Variants in DLC1 observed in about 807,000 individuals in gnomAD.
DLC1 encodes DLC1 Rho GTPase activating protein.
DLC1 carries 54 observed loss-of-function variants against 140.3 expected under a neutral mutation model. The observed-to-expected ratio is 0.38, with a 90% CI of 0.31 to 0.48. The LOEUF (loss-of-function observed/expected upper bound fraction) is 0.48. Among genes scored for constraint, DLC1 ranks in the 20% least tolerant of loss-of-function variants. DLC1 has a pLI of 0.96. For synonymous variants in DLC1, 986 were observed against 728.1 expected (o/e 1.35, Z -5.70); for missense variants, 2,536 against 1,907.0 (o/e 1.33, Z -6.14).
At chr8:13,395,948 A>G (rs1385369460) in intron 3 of DLC1, among the ~76,000 whole-genome samples, 1 of 152,148 alleles carries the variant, frequency 6.6e-6, no homozygotes, top group African/African-American at 2.4e-5. Flanking sequence ...AGTCTTAAAT[A>G]GCAGATAATT....
intron 5 of DLC1, among the ~76,000 whole-genome samples, chr8:13,128,450 C>T (rs1428781714): frequency 6.6e-6 from 1 of 152,146 alleles, no homozygotes; most frequent in African/African-American, 2.4e-5. Flanking sequence ...CCTACGCACA[C>T]AAGCCTCCCA....
intron 2 of DLC1, among the ~76,000 whole-genome samples, chr8:13,479,374 A>T (rs963673039): frequency 2.6e-5 from 4 of 152,312 alleles, no homozygotes; most frequent in South Asian, 4.1e-4. Flanking sequence ...ATACAAAAAA[A>T]GGTCGCATAA....
intron 2 of DLC1, among the ~76,000 whole-genome samples, chr8:13,476,403 T>A (rs1022015613): frequency 1.3e-5 from 2 of 151,880 alleles, no homozygotes; most frequent in African/African-American, 4.8e-5. Context: ...CTTATGCCCT[T>A]AAGAAGTTTA....
intron 2 of DLC1, among the ~76,000 whole-genome samples, chr8:13,453,402 G>GTA (rs1799167527): frequency 1.9e-4 from 4 of 20,816 alleles, no homozygotes; most frequent in East Asian, 2.1e-3. Flanking sequence ...ATATATATAT[G>GTA]TGTATATATA....
intron 2 of DLC1, among the ~76,000 whole-genome samples, chr8:13,420,280 G>T (rs149530154): frequency 6.6e-6 from 1 of 152,034 alleles, no homozygotes; most frequent in Non-Finnish European, 1.5e-5. Context: ...TGTAGTGTGT[G>T]TCTCCAAGGA....
chr8:13,595,172 G>A (rs79648206), intron 1 of DLC1, among the ~76,000 whole-genome samples: 4 of 151,872 alleles, frequency 2.6e-5, no homozygotes, highest in African/African-American at 9.7e-5. Context: ...AAAAATAATG[G>A]CACCAATGGC....
intron 2 of DLC1, among the ~76,000 whole-genome samples, chr8:13,423,975 G>A (rs905778004): frequency 6.6e-5 from 10 of 152,102 alleles, no homozygotes; most frequent in South Asian, 2.1e-4. Flanking sequence ...TCAGCAAAAC[G>A]TAATCCAAAT....
chr8:13,320,096 C>T (rs980257627), intron 4 of DLC1, among the ~76,000 whole-genome samples: 6 of 152,084 alleles, frequency 3.9e-5, no homozygotes, highest in Non-Finnish European at 8.8e-5. Flanking sequence ...TAGGTGTGGG[C>T]CACCATGCCT....
At chr8:13,360,165 G>A (rs1835155325) in intron 4 of DLC1, among the ~76,000 whole-genome samples, 1 of 152,074 alleles carries the variant, frequency 6.6e-6, no homozygotes, top group African/African-American at 2.4e-5. Flanking sequence ...TTCCTCTTCT[G>A]TAAAATGAAG....
At chr8:13,280,287 C>CAAAAAAAAAAAAAAAAAA (rs55791933) in intron 5 of DLC1, among the ~76,000 whole-genome samples, 1 of 65,352 alleles carries the variant, frequency 1.5e-5, no homozygotes, top group Non-Finnish European at 2.7e-5. Context: ...GACTCCATCT[C>CAAAAAAAAAAAAAAAAAA]AAAAAAAAAA....
chr8:13,347,840 C>G (rs1378005702), intron 4 of DLC1, among the ~76,000 whole-genome samples: 1 of 152,066 alleles, frequency 6.6e-6, no homozygotes, highest in Non-Finnish European at 1.5e-5. Flanking sequence ...AACATGCTTC[C>G]TGGCTTTGTG....
intron 5 of DLC1, among the ~76,000 whole-genome samples, chr8:13,153,157 G>C (rs1275868587): frequency 2.0e-5 from 3 of 152,288 alleles, no homozygotes; most frequent in African/African-American, 7.2e-5. Flanking sequence ...TCTTAAAGAT[G>C]GTGTGTCTGG....
intron 5 of DLC1, among the ~76,000 whole-genome samples, chr8:13,236,944 T>C (rs1242965255): frequency 1.3e-5 from 2 of 151,924 alleles, no homozygotes. Context: ...GTCTCTAAAA[T>C]AAGAAATGAA....
At chr8:13,172,016 G>A (rs1270683663) in intron 5 of DLC1, among the ~76,000 whole-genome samples, 1 of 152,076 alleles carries the variant, frequency 6.6e-6, no homozygotes, top group Admixed American at 6.5e-5. Context: ...ACATCTACAC[G>A]CCATCACTAC....
chr8:13,316,807 A>C (rs1436967613), intron 4 of DLC1, among the ~76,000 whole-genome samples: 5 of 152,092 alleles, frequency 3.3e-5, no homozygotes, highest in African/African-American at 1.2e-4. Context: ...CCCCCAACTG[A>C]CTGCAGTATC....
chr8:13,120,370 T>TATATATATATATAA (rs369581778), intron 5 of DLC1, among the ~76,000 whole-genome samples: 21,311 of 109,376 alleles, frequency 0.19, 2,883 homozygotes, highest in East Asian at 0.44. Flanking sequence ...TATATATATA[T>TATATATATATATAA]AAAATGTATA....
intron 5 of DLC1, among the ~76,000 whole-genome samples, chr8:13,270,103 A>C (rs982215591): frequency 6.6e-6 from 1 of 152,158 alleles, no homozygotes; most frequent in Non-Finnish European, 1.5e-5. Context: ...TTTAACTGCC[A>C]ACTATACCTA....
At chr8:13,160,446 T>TTTC (rs1824603552) in intron 5 of DLC1, among the ~76,000 whole-genome samples, 1 of 152,180 alleles carries the variant, frequency 6.6e-6, no homozygotes, top group Non-Finnish European at 1.5e-5. Context: ...ACTTGTAATG[T>TTTC]TTCTCATCAT....
At chr8:13,099,215 T>C in intron 9 of DLC1, 132 bp downstream of exon 9, 1 of 1,457,732 alleles carries the variant, frequency 6.9e-7, no homozygotes, top group Non-Finnish European at 9.1e-7. Flanking sequence ...CTTCCTGGTT[T>C]GACACCTTCC....
Sources: gnomAD v4.1 joint callset for allele counts (sites outside exome capture counted in the v4.1 genomes callset) on GRCh38, gnomAD v4.1.1 for gene constraint, MANE v1.5 for transcripts, NCBI Gene and HGNC (gene_info 2026-07-23, HGNC 2026-07-21) for gene names.